The following ANKRD17 variants were observed in gnomAD, a reference collection of about 807,000 sequenced individuals.
ANKRD17 encodes the protein ankyrin repeat domain-containing protein 17.
A neutral mutation model predicts 229.7 loss-of-function variants in ANKRD17; 19 were observed. The ratio of observed to expected loss-of-function variants is 0.08; its 90% confidence interval spans 0.06 to 0.12. ANKRD17 has a LOEUF of 0.12. Ranked by LOEUF, ANKRD17 falls within the 10% of genes least tolerant of loss-of-function variation. The probability of loss-of-function intolerance (pLI) is 1.00; values close to 1 mark genes in which losing one functional copy is unlikely to be tolerated. For synonymous variants in ANKRD17, 1,112 were observed against 1,146.1 expected (o/e 0.97, Z 0.60); for missense variants, 2,176 against 3,176.8 (o/e 0.68, Z 7.57).
At chr4:73,130,903 G>C (rs183062120) in intron 16 of ANKRD17, among the ~76,000 whole-genome samples, 130 of 152,150 alleles carry the variant, frequency 8.5e-4, no homozygotes, top group African/African-American at 3.0e-3. Flanking sequence ...TCCACATAAA[G>C]CCTGTGGTTT....
chr4:73,125,089 T>C, intron 17 of ANKRD17, 31 bp from the exon 18 acceptor site: 3 of 1,610,394 alleles, frequency 1.9e-6, no homozygotes, highest in Non-Finnish European at 2.5e-6. Context: ...TCTCACTACA[T>C]GCTAAGGCAA....
intron 22 of ANKRD17, among the ~76,000 whole-genome samples, 160 bp downstream of exon 22, chr4:73,118,528 T>G (rs925716807): frequency 5.3e-5 from 8 of 152,172 alleles, no homozygotes; most frequent in Non-Finnish European, 1.0e-4. Context: ...AAAACCTGTA[T>G]ATATCTACAT....
At chr4:73,165,610 A>C (rs755512268) in intron 2 of ANKRD17, among the ~76,000 whole-genome samples, 144 of 152,346 alleles carry the variant, frequency 9.5e-4, no homozygotes, top group African/African-American at 3.2e-3. Flanking sequence ...TGAATTTGAC[A>C]GATTTTACTC....
intron 18 of ANKRD17, among the ~76,000 whole-genome samples, chr4:73,124,600 C>T (rs375351752): frequency 6.6e-6 from 1 of 152,144 alleles, no homozygotes; most frequent in South Asian, 2.1e-4. Context: ...TACTATAGGG[C>T]AGGCAAAGAT....
intron 1 of ANKRD17, among the ~76,000 whole-genome samples, chr4:73,211,475 G>A (rs1740246921): frequency 6.6e-6 from 1 of 152,104 alleles, no homozygotes; most frequent in South Asian, 2.1e-4. Context: ...AGGTTACAAA[G>A]GCTTTGACAT....
intron 20 of ANKRD17, 151 bp downstream of exon 20, chr4:73,120,730 G>T: frequency 4.5e-6 from 3 of 665,420 alleles, no homozygotes; most frequent in African/African-American, 1.8e-5. Context: ...GTTAATGTTT[G>T]ACTGAGTTAT....
intron 1 of ANKRD17, among the ~76,000 whole-genome samples, chr4:73,187,075 G>A (rs901529945): frequency 6.6e-6 from 1 of 152,074 alleles, no homozygotes; most frequent in Non-Finnish European, 1.5e-5. Context: ...GTAGCAGTGG[G>A]GACCTGTTAG....
intron 3 of ANKRD17, among the ~76,000 whole-genome samples, chr4:73,159,936 TAATACTATC>T (rs141845832): frequency 2.3e-3 from 356 of 152,324 alleles, no homozygotes; most frequent in African/African-American, 6.8e-3. Context: ...ATGACCTTGT[TAATACTATC>T]TAACCTCTCT....
chr4:73,157,705 G>A (rs768952117), intron 3 of ANKRD17, among the ~76,000 whole-genome samples: 24 of 152,082 alleles, frequency 1.6e-4, no homozygotes, highest in Non-Finnish European at 3.4e-4. Context: ...ATATGGCAAA[G>A]CCTCCTAACC....
intron 1 of ANKRD17, among the ~76,000 whole-genome samples, chr4:73,210,528 T>C (rs1487514814): frequency 6.6e-6 from 1 of 152,160 alleles, no homozygotes; most frequent in African/African-American, 2.4e-5. Context: ...AAGTCTGATA[T>C]GGCCAAGAAG....
chr4:73,166,034 C>T (rs1385480565), intron 2 of ANKRD17, among the ~76,000 whole-genome samples: 1 of 152,182 alleles, frequency 6.6e-6, no homozygotes, highest in Non-Finnish European at 1.5e-5. Flanking sequence ...GTCTGGCTCA[C>T]AGAAATTTAA....
chr4:73,084,798 T>A (rs1410833172), intron 30 of ANKRD17, among the ~76,000 whole-genome samples: 1 of 152,114 alleles, frequency 6.6e-6, no homozygotes, highest in Non-Finnish European at 1.5e-5. Flanking sequence ...CACTCAAGGG[T>A]AGAAATCTTT....
chr4:73,220,736 T>C (rs1265926146), intron 1 of ANKRD17, among the ~76,000 whole-genome samples: 2 of 152,142 alleles, frequency 1.3e-5, no homozygotes, highest in African/African-American at 4.8e-5. Context: ...CAAATAAGCA[T>C]AATCTACATA....
intron 16 of ANKRD17, among the ~76,000 whole-genome samples, chr4:73,134,786 T>A (rs1728678063): frequency 6.6e-6 from 1 of 152,266 alleles, no homozygotes; most frequent in Admixed American, 6.5e-5. Flanking sequence ...ATCCATTATA[T>A]ATTTCAAACC....
chr4:73,156,191 A>G (rs748184576), intron 3 of ANKRD17, 25 bp from the exon 4 acceptor site: 1 of 1,564,550 alleles, frequency 6.4e-7, no homozygotes, highest in Non-Finnish European at 8.6e-7. Context: ...ATATCACAAT[A>G]CCAGAATATA....
chr4:73,255,306 A>G (rs1745361265), intron 1 of ANKRD17, among the ~76,000 whole-genome samples: 1 of 152,332 alleles, frequency 6.6e-6, no homozygotes, highest in East Asian at 1.9e-4. Flanking sequence ...GATTATTCAG[A>G]TAGCATTTCT....
chr4:73,188,947 AAGAT>A (rs1184263669), intron 1 of ANKRD17, among the ~76,000 whole-genome samples: 1 of 152,220 alleles, frequency 6.6e-6, no homozygotes, highest in Non-Finnish European at 1.5e-5. Context: ...TCTAGAAAGA[AAGAT>A]AATCAAAATT....
At chr4:73,092,335 T>C (rs1172791982) in intron 28 of ANKRD17, 35 bp from the exon 29 acceptor site, 2 of 1,547,156 alleles carry the variant, frequency 1.3e-6, no homozygotes, top group Middle Eastern at 1.8e-4. Context: ...GGTAGAATTT[T>C]CCCTACTTTT....
chr4:73,187,271 T>C (rs1055054902), intron 1 of ANKRD17, among the ~76,000 whole-genome samples: 3 of 152,212 alleles, frequency 2.0e-5, no homozygotes, highest in South Asian at 2.1e-4. Flanking sequence ...AAAATATTAC[T>C]TCAAGAAGAA....
Sources: gnomAD v4.1 joint callset for allele counts (sites outside exome capture counted in the v4.1 genomes callset) on GRCh38, gnomAD v4.1.1 for gene constraint, MANE v1.5 for transcripts, NCBI Gene and HGNC (gene_info 2026-07-23, HGNC 2026-07-21) for gene names.